The following KDM2A variants were observed in gnomAD, a reference collection of about 807,000 sequenced individuals.
KDM2A encodes the protein lysine-specific demethylase 2A.
A neutral mutation model predicts 137.3 loss-of-function variants in KDM2A; 3 were observed. That is an observed-to-expected ratio of 0.02 (90% CI 0.01 to 0.06). KDM2A has a LOEUF of 0.06. KDM2A is among the 10% of genes least tolerant of loss of function. The pLI is 1.00. For synonymous variants in KDM2A, 512 were observed against 541.5 expected, an observed-to-expected ratio of 0.95 and a Z score of 0.76; for missense variants, 738 against 1,510.6, an observed-to-expected ratio of 0.49 and a Z score of 8.48.
chr11:67,218,934 C>G (rs1858250253), intron 9 of KDM2A, among the ~76,000 whole-genome samples: 1 of 152,074 alleles, frequency 6.6e-6, no homozygotes, highest in Non-Finnish European at 1.5e-5. Context: ...ATGTGTTGCC[C>G]AAGCAATTCT....
chr11:67,184,081 G>C (rs1257668809), intron 5 of KDM2A, among the ~76,000 whole-genome samples: 3 of 140,018 alleles, frequency 2.1e-5, no homozygotes, highest in Non-Finnish European at 3.0e-5. Flanking sequence ...CTGGGCAACA[G>C]AGTGAGACCC....
rs2136273995 is a variant in KDM2A, at chr11:67,121,309, A to G, written c.-8A>G. ...TTCTTTACAGTAATTTCAACAGAAG[A>G]GTGAGAGATGGAACCCGAAGAAGAA... is the stretch of plus-strand genomic sequence containing the variant. On this transcript the variant is annotated 5_prime_UTR_variant, in exon 2 of 21. Transcript: ENST00000529006. 1.2e-6 allele frequency: 2 copies of G among 1,613,686 alleles called. No individual in the cohort carries two copies. The highest frequency in any genetic ancestry group is 1.7e-5 in the Admixed American group (1 of 59,992).
chr11:67,230,916 G>C (rs1209246051), intron 11 of KDM2A, among the ~76,000 whole-genome samples: 1 of 150,790 alleles, frequency 6.6e-6, no homozygotes, highest in Non-Finnish European at 1.5e-5. Context: ...TTGATTTTAA[G>C]ACCAAAACTT....
At position 67,254,758 on chromosome 11, in the gene KDM2A, G is replaced by T; in HGVS notation, c.3308-116G>T. 17 of 959,638 alleles carry T rather than the reference G, an allele frequency of 1.8e-5. No homozygotes were observed. Among genetic ancestry groups the T allele is most frequent in the Non-Finnish European group, 2.3e-5 (15 of 639,774 alleles). The allele number at this position is 959,638 out of a possible 1,614,324, so 59.4% of individuals were successfully genotyped here. A position where few individuals can be genotyped will look rare whatever the true frequency, so the allele number is the denominator to read the frequency against. ...CTTCTGGTCTCTGAGCCAGGTAGTTGTGGGACAAAGAGGGCTTTTGTTTAG... is the reference window on the plus strand; with the variant it reads ...CTTCTGGTCTCTGAGCCAGGTAGTTTTGGGACAAAGAGGGCTTTTGTTTAG... On this transcript the variant is annotated intron_variant, in intron 20 of 20. Coordinates refer to ENST00000529006, the MANE Select transcript of KDM2A (RefSeq NM_012308.3). The surrounding 1 kb of genome is among the most constrained non-coding windows in gnomAD (Gnocchi z 4.7).
At chr11:67,169,475 G>C (rs1366978170) in intron 2 of KDM2A, among the ~76,000 whole-genome samples, 1 of 146,530 alleles carries the variant, frequency 6.8e-6, no homozygotes, top group South Asian at 2.2e-4. Context: ...TGCCTCCCAG[G>C]TTCAAGTGAT....
In KDM2A at chr11:67,207,126, T is replaced by A. The variant is rs1017406242; in HGVS notation, c.308-384T>A. 5.9e-5 allele frequency among the ~76,000 whole-genome samples: 9 copies of A among 152,204 alleles called. No homozygotes were observed. The South Asian group carries it at 1.0e-3, about 17-fold the overall frequency. On this transcript the variant is annotated intron_variant, in intron 5 of 20. Coordinates refer to ENST00000529006, the MANE Select transcript of KDM2A (RefSeq NM_012308.3). ...CATCAAATCAGTATAGATCAGTAAG[T>A]AAGAGCTTGACTCTAGAGTGAGCCT... is the stretch of plus-strand genomic sequence containing the variant.
chr11:67,143,833 A>C (rs944386979), intron 2 of KDM2A, among the ~76,000 whole-genome samples: 1 of 151,714 alleles, frequency 6.6e-6, no homozygotes, highest in Admixed American at 6.6e-5. Flanking sequence ...GGGTTTTCTC[A>C]TGTTGGCCAA....
At chr11:67,229,973 G>A (rs1466359870) in intron 11 of KDM2A, among the ~76,000 whole-genome samples, 2 of 151,946 alleles carry the variant, frequency 1.3e-5, no homozygotes, top group Non-Finnish European at 2.9e-5. Flanking sequence ...TCAGGAGATC[G>A]AGACCATCCT....
At chr11:67,142,684 A>C (rs1856140117) in intron 2 of KDM2A, among the ~76,000 whole-genome samples, 1 of 151,594 alleles carries the variant, frequency 6.6e-6, no homozygotes, top group Non-Finnish European at 1.5e-5. Context: ...AGACTGGGGG[A>C]CAAGCGTGAG....
At chr11:67,240,212 GCT>G (rs1311578139) in intron 12 of KDM2A, 2 of 1,535,028 alleles carry the variant, frequency 1.3e-6, no homozygotes, top group African/African-American at 2.7e-5. Flanking sequence ...TGCCCTATGT[GCT>G]CTGGGAGATT....
chr11:67,177,904 G>A (rs941951021), intron 2 of KDM2A, among the ~76,000 whole-genome samples: 4 of 152,244 alleles, frequency 2.6e-5, no homozygotes, highest in South Asian at 2.1e-4. Context: ...TGTCCTGATG[G>A]CAACAGTGTC....
intron 5 of KDM2A, among the ~76,000 whole-genome samples, chr11:67,188,186 TGAAA>T (rs1250521290): frequency 4.7e-5 from 7 of 147,854 alleles, no homozygotes; most frequent in African/African-American, 1.8e-4. Context: ...CCCTGTGTCT[TGAAA>T]GAAAGAGGCT....
intron 11 of KDM2A, 25 bp downstream of exon 11, chr11:67,228,188 T>C (rs1318357789): frequency 5.6e-6 from 9 of 1,611,650 alleles, no homozygotes; most frequent in Non-Finnish European, 6.8e-6. Context: ...TATAGGAGCT[T>C]TGAAGACACC....
At chr11:67,143,001 TTATATA>T (rs749189143) in intron 2 of KDM2A, among the ~76,000 whole-genome samples, 2 of 150,646 alleles carry the variant, frequency 1.3e-5, no homozygotes, top group Admixed American at 1.3e-4. Context: ...AACACTTCAG[TTATATA>T]TATATATCTA....
At chr11:67,132,371 C>T (rs960341112) in intron 2 of KDM2A, among the ~76,000 whole-genome samples, 15 of 152,206 alleles carry the variant, frequency 9.9e-5, no homozygotes, top group African/African-American at 3.6e-4. Context: ...GTAACCTACG[C>T]TTCCTGGGTT....
chr11:67,160,783 CAA>C (rs964903222), intron 2 of KDM2A, among the ~76,000 whole-genome samples: 1 of 147,460 alleles, frequency 6.8e-6, no homozygotes, highest in Non-Finnish European at 1.5e-5. Flanking sequence ...AAAAAAACAA[CAA>C]AAAAAAAATG....
At chr11:67,175,756 T>C (rs1182972672) in intron 2 of KDM2A, among the ~76,000 whole-genome samples, 3 of 152,218 alleles carry the variant, frequency 2.0e-5, no homozygotes, top group East Asian at 1.9e-4. Flanking sequence ...AGGTTGAGGT[T>C]TGAAAACATG....
At chr11:67,189,331 C>T (rs528633934) in intron 5 of KDM2A, among the ~76,000 whole-genome samples, 2 of 152,282 alleles carry the variant, frequency 1.3e-5, no homozygotes, top group East Asian at 1.9e-4. Context: ...TTAGAAAATA[C>T]TTATAGATGA....
At chr11:67,164,712 C>G (rs1265437606) in intron 2 of KDM2A, among the ~76,000 whole-genome samples, 1 of 151,938 alleles carries the variant, frequency 6.6e-6, no homozygotes, top group African/African-American at 2.4e-5. Flanking sequence ...CCTCCACCTC[C>G]CAGGGTCAAG....
Sources: gnomAD v4.1 joint callset for allele counts (sites outside exome capture counted in the v4.1 genomes callset) on GRCh38, gnomAD v4.1.1 for gene constraint, Gnocchi (gnomAD v3.1) non-coding constraint, MANE v1.5 for transcripts, NCBI Gene and HGNC (gene_info 2026-07-23, HGNC 2026-07-21) for gene names.